Variants in CTNNA2 observed in about 807,000 individuals in gnomAD.
The protein encoded by CTNNA2 is catenin alpha 2.
CTNNA2 carries 42 observed loss-of-function variants against 101.0 expected under a neutral mutation model. The ratio of observed to expected loss-of-function variants is 0.42; its 90% CI spans 0.32 to 0.54. CTNNA2 has a LOEUF of 0.54. CTNNA2 is among the 20% of genes least tolerant of loss of function. The pLI is 0.14. For missense variants in CTNNA2, 871 were observed against 1,223.1 expected (o/e 0.71, Z 4.29); for synonymous variants, 450 against 456.4 (o/e 0.99, Z 0.18).
In CTNNA2 at chr2:80,598,304, G is replaced by T. The variant is rs192394947; in HGVS notation, c.2190-5770G>T. Among the ~76,000 whole-genome samples the T allele has an allele frequency of 3.9e-5, 6 of 152,228 alleles. No homozygotes were observed. In the East Asian group the frequency reaches 1.2e-3, roughly 29 times the overall value. ...ACAACACACACTGGGGCCTGTCAAGGGTTGGGGAGCAAGGGAAGGAAGAGC... is the reference window on the plus strand; with the variant it reads ...ACAACACACACTGGGGCCTGTCAAGTGTTGGGGAGCAAGGGAAGGAAGAGC... On this transcript the variant is annotated intron_variant, in intron 15 of 18. Transcript: ENST00000402739.
chr2:80,119,428 C>T (rs947503877), intron 7 of CTNNA2, among the ~76,000 whole-genome samples: 1 of 152,166 alleles, frequency 6.6e-6, no homozygotes, highest in Admixed American at 6.5e-5. Context: ...GAGGAATATG[C>T]AAGGACTAGA....
intron 1 of CTNNA2, among the ~76,000 whole-genome samples, chr2:79,597,465 C>CAAA (rs35049509): frequency 3.2e-4 from 45 of 138,728 alleles, no homozygotes; most frequent in African/African-American, 8.0e-4. Context: ...GAGCGGGTCT[C>CAAA]AAAAAAAAAA....
At chr2:80,175,825 G>T (rs989450279) in intron 7 of CTNNA2, among the ~76,000 whole-genome samples, 4 of 152,204 alleles carry the variant, frequency 2.6e-5, no homozygotes, top group Non-Finnish European at 5.9e-5. Flanking sequence ...CAAGCCACTG[G>T]TTTAGTTGTA....
chr2:80,430,418 AAGT>A (rs770073498), intron 9 of CTNNA2, among the ~76,000 whole-genome samples: 2 of 152,146 alleles, frequency 1.3e-5, no homozygotes, highest in Non-Finnish European at 2.9e-5. Flanking sequence ...AGGAAACTAA[AAGT>A]AGCCTGACCA....
chr2:79,630,116 C>G (rs756918077), intron 1 of CTNNA2, among the ~76,000 whole-genome samples: 4 of 152,116 alleles, frequency 2.6e-5, no homozygotes, highest in Non-Finnish European at 5.9e-5. Flanking sequence ...CTTAACGTAC[C>G]CTGCTTTATT....
chr2:80,109,303 C>CAA (rs11404710), intron 7 of CTNNA2, among the ~76,000 whole-genome samples: 3 of 151,688 alleles, frequency 2.0e-5, no homozygotes, highest in African/African-American at 7.3e-5. Flanking sequence ...TACTAAAATA[C>CAA]AAAAAACATT....
At chr2:79,769,498 C>T (rs968208285) in intron 3 of CTNNA2, among the ~76,000 whole-genome samples, 1 of 152,164 alleles carries the variant, frequency 6.6e-6, no homozygotes, top group Non-Finnish European at 1.5e-5. Flanking sequence ...TCTCCAGAAA[C>T]TTCTGGATTA....
intron 2 of CTNNA2, among the ~76,000 whole-genome samples, chr2:79,199,484 A>G (rs975574609): frequency 6.6e-6 from 1 of 152,222 alleles, no homozygotes; most frequent in Admixed American, 6.5e-5. Flanking sequence ...TTTCCTTATT[A>G]AAAAAACAGT....
chr2:79,646,397 C>G lies in CTNNA2; in HGVS notation c.-5-5155C>G, dbSNP rs144729221. On this transcript the variant is annotated intron_variant, in intron 1 of 18. Transcript: ENST00000402739. ...ATTTTCTATCATGAGTGACAAATAG[C>G]TGATAGCATCCTGGCCTGTGCCTCT... Among the ~76,000 whole-genome samples the G allele has an allele frequency of 8.5e-4, 130 of 152,214 alleles. 1 individual carries two copies. In the East Asian group the frequency reaches 0.024, roughly 28 times the overall value.
At chr2:80,200,605 G>A (rs572684399) in intron 7 of CTNNA2, among the ~76,000 whole-genome samples, 7 of 152,126 alleles carry the variant, frequency 4.6e-5, no homozygotes, top group South Asian at 2.1e-4. Flanking sequence ...GCGTGATCCC[G>A]GCTCACTGCA....
rs555621936 is a variant in CTNNA2, at chr2:80,449,025, G to A, written c.1290+29424G>A. On this transcript the variant is annotated intron_variant, in intron 9 of 18. Transcript: ENST00000402739. Reference sequence around the variant, plus strand: ...TCTAAGGCATAGTCCTATGTATCCCGACATTGATGATATGGGTTTGTACAC... The same window carrying A: ...TCTAAGGCATAGTCCTATGTATCCCAACATTGATGATATGGGTTTGTACAC... Among the ~76,000 whole-genome samples the A allele has an allele frequency of 7.2e-5, 11 of 152,220 alleles. No homozygotes were observed. In the South Asian group the frequency reaches 1.7e-3, roughly 23 times the overall value.
chr2:80,479,618 G>C (rs1400962477), intron 9 of CTNNA2, among the ~76,000 whole-genome samples: 1 of 152,098 alleles, frequency 6.6e-6, no homozygotes, highest in Non-Finnish European at 1.5e-5. Flanking sequence ...GGATCAACAG[G>C]TGGAAACTAT....
chr2:79,776,680 A>G (rs1573940146), intron 3 of CTNNA2, among the ~76,000 whole-genome samples: 1 of 152,240 alleles, frequency 6.6e-6, no homozygotes, highest in African/African-American at 2.4e-5. Context: ...AAACAATGGC[A>G]TCATATTTTT....
intron 1 of CTNNA2, among the ~76,000 whole-genome samples, chr2:79,566,343 A>C (rs1017761144): frequency 6.6e-6 from 1 of 152,214 alleles, no homozygotes; most frequent in South Asian, 2.1e-4. Context: ...TTGCAGGAGC[A>C]AAATAAATAA....
chr2:80,019,279 T>G (rs1477820167), intron 7 of CTNNA2, among the ~76,000 whole-genome samples: 1 of 152,182 alleles, frequency 6.6e-6, no homozygotes, highest in East Asian at 1.9e-4. Flanking sequence ...ATAATTTAAG[T>G]TGAGGCATGG....
At chr2:79,881,164 C>T (rs1421681224) in intron 6 of CTNNA2, among the ~76,000 whole-genome samples, 3 of 152,150 alleles carry the variant, frequency 2.0e-5, no homozygotes, top group African/African-American at 4.8e-5. Flanking sequence ...TTTGATTGCA[C>T]TGTGGTCTGA....
intron 7 of CTNNA2, among the ~76,000 whole-genome samples, chr2:80,098,797 C>T (rs930905335): frequency 2.0e-5 from 3 of 152,324 alleles, no homozygotes; most frequent in East Asian, 3.9e-4. Context: ...GCATAGGACC[C>T]TCTGAGCCAG....
intron 3 of CTNNA2, among the ~76,000 whole-genome samples, chr2:79,760,212 C>A (rs1259255423): frequency 6.6e-6 from 1 of 151,974 alleles, no homozygotes; most frequent in Non-Finnish European, 1.5e-5. Context: ...TATGTAAATG[C>A]TAATTAAGAC....
intron 4 of CTNNA2, among the ~76,000 whole-genome samples, chr2:79,394,790 T>A (rs1424360238): frequency 6.6e-6 from 1 of 151,868 alleles, no homozygotes; most frequent in African/African-American, 2.4e-5. Flanking sequence ...TAAAAAAATT[T>A]TTTTTGTATG....
Sources: allele counts gnomAD v4.1 joint callset (sites outside exome capture counted in the v4.1 genomes callset), GRCh38; gene constraint gnomAD v4.1.1; transcripts MANE v1.5; gene names NCBI Gene and HGNC (gene_info 2026-07-23, HGNC 2026-07-21).